WWOX: variants seen among roughly 807,000 people sequenced by gnomAD.
WWOX encodes WW domain-containing oxidoreductase.
WWOX carries 69 observed loss-of-function variants against 46.2 expected under a neutral mutation model. That is an observed-to-expected ratio of 1.49 (90% CI 1.23 to 1.82). The LOEUF (loss-of-function observed/expected upper bound fraction) is 1.82. Ranked by LOEUF, WWOX falls within the 40% of genes most tolerant of loss-of-function variation. The probability of loss-of-function intolerance (pLI) is 0.00; values close to 1 mark genes in which losing one functional copy is unlikely to be tolerated. For synonymous variants in WWOX, 359 were observed against 202.6 expected (o/e 1.77, Z -6.56); for missense variants, 919 against 542.6 (o/e 1.69, Z -6.89).
intron 8 of WWOX, among the ~76,000 whole-genome samples, chr16:78,579,323 G>C (rs188175329): frequency 2.0e-3 from 305 of 152,244 alleles, no homozygotes; most frequent in Non-Finnish European, 3.7e-3. Context: ...GAGTGATATG[G>C]AATAAGAGTG....
chr16:78,146,939 AC>A (rs1382371950), intron 4 of WWOX, among the ~76,000 whole-genome samples: 3 of 152,210 alleles, frequency 2.0e-5, no homozygotes, highest in Non-Finnish European at 4.4e-5. Context: ...ATATTTGACC[AC>A]TGCAAGAAAA....
chr16:78,808,409 T>C (rs1023658717), intron 8 of WWOX, among the ~76,000 whole-genome samples: 1 of 152,204 alleles, frequency 6.6e-6, no homozygotes, highest in Non-Finnish European at 1.5e-5. Context: ...CAAATATGGG[T>C]AAATGCTATT....
intron 8 of WWOX, among the ~76,000 whole-genome samples, chr16:78,901,561 C>T (rs892836670): frequency 6.6e-6 from 1 of 152,168 alleles, no homozygotes; most frequent in Non-Finnish European, 1.5e-5. Context: ...GATCTTGGTT[C>T]ACTGCAGCCT....
chr16:78,570,458 A>G (rs2044687540), intron 8 of WWOX, among the ~76,000 whole-genome samples: 1 of 152,056 alleles, frequency 6.6e-6, no homozygotes, highest in Admixed American at 6.6e-5. Flanking sequence ...ACAGGCATAC[A>G]CCACCATGCC....
intron 5 of WWOX, among the ~76,000 whole-genome samples, chr16:78,334,407 C>A (rs1343141577): frequency 6.6e-6 from 1 of 152,100 alleles, no homozygotes; most frequent in South Asian, 2.1e-4. Context: ...CAGCGAACAA[C>A]AAATAGTTCA....
intron 8 of WWOX, among the ~76,000 whole-genome samples, chr16:79,076,378 G>A (rs1490631283): frequency 6.6e-6 from 1 of 152,206 alleles, no homozygotes; most frequent in Non-Finnish European, 1.5e-5. Context: ...TTCACAAAGT[G>A]TTCATTCTCA....
intron 8 of WWOX, among the ~76,000 whole-genome samples, chr16:79,153,119 C>T (rs182604068): frequency 1.3e-5 from 2 of 152,160 alleles, no homozygotes; most frequent in Non-Finnish European, 2.9e-5. Flanking sequence ...CGCTCAGGGT[C>T]ATGGGCTTGC....
At chr16:78,440,683 C>T (rs187432905) in intron 8 of WWOX, among the ~76,000 whole-genome samples, 44 of 151,276 alleles carry the variant, frequency 2.9e-4, no homozygotes, top group African/African-American at 1.0e-3. Flanking sequence ...GTGGCACAAT[C>T]CCGGCTCACT....
intron 8 of WWOX, among the ~76,000 whole-genome samples, chr16:78,614,737 G>A (rs2045980674): frequency 6.6e-6 from 1 of 152,172 alleles, no homozygotes; most frequent in South Asian, 2.1e-4. Flanking sequence ...TCCTTGACGT[G>A]TTTTATGTAC....
intron 8 of WWOX, chr16:78,534,351 A>G (rs536825968): frequency 6.6e-6 from 1 of 152,358 alleles, no homozygotes; most frequent in Non-Finnish European, 1.5e-5. Flanking sequence ...TTGTTATTAT[A>G]AATCCCCTTT....
intron 4 of WWOX, among the ~76,000 whole-genome samples, chr16:78,126,375 C>G (rs750959331): frequency 6.6e-5 from 10 of 152,194 alleles, no homozygotes; most frequent in Non-Finnish European, 1.3e-4. Flanking sequence ...TGCCCAGCAT[C>G]CTTGCCAAAC....
chr16:79,158,272 A>G (rs1294825490), intron 8 of WWOX, among the ~76,000 whole-genome samples: 1 of 152,238 alleles, frequency 6.6e-6, no homozygotes, highest in East Asian at 1.9e-4. Flanking sequence ...GGAACAAACA[A>G]AGAACCACAT....
At position 78,783,419 on chromosome 16, in the gene WWOX, G is replaced by A. The variant is rs183288736; in HGVS notation, c.1056+350667G>A. Among the ~76,000 whole-genome samples the A allele has an allele frequency of 4.6e-5, 7 of 152,340 alleles. No homozygotes were observed. The East Asian group carries it at 1.3e-3, about 29-fold the overall frequency. On this transcript the variant is annotated intron_variant, in intron 8 of 8. Coordinates refer to ENST00000566780, the MANE Select transcript of WWOX (RefSeq NM_016373.4). ...AGCTACACGACCAAGAGACAGAAGAGAGGAAGGAGTTTGTACCCACAACTC... is the reference window on the plus strand; with the variant it reads ...AGCTACACGACCAAGAGACAGAAGAAAGGAAGGAGTTTGTACCCACAACTC...
At chr16:78,994,831 C>T (rs1374502929) in intron 8 of WWOX, among the ~76,000 whole-genome samples, 1 of 151,946 alleles carries the variant, frequency 6.6e-6, no homozygotes, top group Non-Finnish European at 1.5e-5. Context: ...TTTGCCGTTG[C>T]ACTAGGGCTC....
At chr16:78,353,396 AG>A (rs1163460892) in intron 5 of WWOX, among the ~76,000 whole-genome samples, 1 of 152,202 alleles carries the variant, frequency 6.6e-6, no homozygotes, top group Non-Finnish European at 1.5e-5. Context: ...TGAGCCTTCC[AG>A]GGGTGTAAGC....
chr16:78,420,827 AG>A, intron 6 of WWOX, among the ~76,000 whole-genome samples: 1 of 152,274 alleles, frequency 6.6e-6, no homozygotes. Context: ...ATTGTAGAAA[AG>A]TTGGAAAATA....
intron 8 of WWOX, among the ~76,000 whole-genome samples, chr16:79,083,337 G>A (rs752105735): frequency 3.9e-5 from 6 of 152,118 alleles, no homozygotes; most frequent in Non-Finnish European, 7.4e-5. Flanking sequence ...CTATGCCCCA[G>A]CAATTAAGGA....
chr16:78,735,252 T>C (rs1049239512), intron 8 of WWOX, among the ~76,000 whole-genome samples: 2 of 152,136 alleles, frequency 1.3e-5, no homozygotes, highest in Non-Finnish European at 2.9e-5. Flanking sequence ...GGACTGAAAC[T>C]ACACATCAGT....
intron 8 of WWOX, among the ~76,000 whole-genome samples, chr16:78,984,109 A>C (rs957336237): frequency 6.6e-6 from 1 of 151,902 alleles, no homozygotes; most frequent in African/African-American, 2.4e-5. Context: ...CGATCTCCTG[A>C]CCTCGTGATC....
Sources: allele counts gnomAD v4.1 joint callset (sites outside exome capture counted in the v4.1 genomes callset), GRCh38; gene constraint gnomAD v4.1.1; transcripts MANE v1.5; gene names NCBI Gene and HGNC (gene_info 2026-07-23, HGNC 2026-07-21).